AGPS: variants seen among roughly 807,000 people sequenced by gnomAD.
AGPS encodes the protein alkylglycerone phosphate synthase.
AGPS carries 26 observed loss-of-function variants against 90.7 expected under a neutral mutation model. The ratio of observed to expected loss-of-function variants is 0.29; its 90% CI spans 0.21 to 0.40. The LOEUF (loss-of-function observed/expected upper bound fraction) is 0.40, where lower values mean the gene tolerates loss of function less well. Ranked by LOEUF, AGPS falls within the 10% of genes least tolerant of loss-of-function variation. AGPS has a pLI of 1.00. For missense variants in AGPS, 540 were observed against 816.1 expected, an observed-to-expected ratio of 0.66 and a Z score of 4.12; for synonymous variants, 294 against 285.3, an observed-to-expected ratio of 1.03 and a Z score of -0.31.
chr2:177,440,009 G>A (rs1219183110), intron 5 of AGPS, among the ~76,000 whole-genome samples: 1 of 152,072 alleles, frequency 6.6e-6, no homozygotes, highest in Non-Finnish European at 1.5e-5. Context: ...GGAATTATGT[G>A]CAGTGTATTT....
At chr2:177,528,849 C>CTTTTTTTTTTTTTTTTTTTTTTTTTTT (rs71008000) in intron 19 of AGPS, among the ~76,000 whole-genome samples, 2 of 79,142 alleles carry the variant, frequency 2.5e-5, no homozygotes, top group Non-Finnish European at 4.4e-5. Context: ...CATATTAATC[C>CTTTTTTTTTTTTTTTTTTTTTTTTTTT]TTTTTTTTTT....
intron 9 of AGPS, among the ~76,000 whole-genome samples, chr2:177,465,056 G>A (rs1168453201): frequency 6.6e-6 from 1 of 152,224 alleles, no homozygotes; most frequent in Non-Finnish European, 1.5e-5. Context: ...TGTAATCCCA[G>A]CACTTTGAGA....
intron 16 of AGPS, 69 bp from the exon 17 acceptor site, chr2:177,513,750 C>T: frequency 1.7e-6 from 2 of 1,171,532 alleles, no homozygotes; most frequent in Non-Finnish European, 2.6e-6. Context: ...CCAGATTAAC[C>T]AACGTTTATT....
At chr2:177,438,307 G>A (rs1010175263) in intron 5 of AGPS, among the ~76,000 whole-genome samples, 8 of 152,046 alleles carry the variant, frequency 5.3e-5, no homozygotes, top group Admixed American at 5.2e-4. Context: ...TGTAGTCCCC[G>A]TTACTCAGAA....
chr2:177,404,023 G>A (rs1214886380), intron 1 of AGPS, among the ~76,000 whole-genome samples: 7 of 152,162 alleles, frequency 4.6e-5, no homozygotes, highest in African/African-American at 1.4e-4. Context: ...CTCATTGGGC[G>A]TGGACAGAAA....
At chr2:177,469,389 G>T (rs1224612694) in intron 10 of AGPS, among the ~76,000 whole-genome samples, 2 of 152,110 alleles carry the variant, frequency 1.3e-5, no homozygotes, top group African/African-American at 4.8e-5. Flanking sequence ...TTCTTTGACA[G>T]TAACATCAAA....
At chr2:177,443,345 A>C (rs927759055) in intron 7 of AGPS, among the ~76,000 whole-genome samples, 3 of 152,172 alleles carry the variant, frequency 2.0e-5, no homozygotes, top group African/African-American at 7.2e-5. Flanking sequence ...TTTATGTAAA[A>C]GCTTCATCTT....
intron 14 of AGPS, among the ~76,000 whole-genome samples, chr2:177,504,890 A>G (rs1315601125): frequency 6.6e-6 from 1 of 152,110 alleles, no homozygotes; most frequent in Non-Finnish European, 1.5e-5. Context: ...ATATATTTGT[A>G]TGGGATTAAT....
chr2:177,457,317 A>G (rs959607317), intron 8 of AGPS, among the ~76,000 whole-genome samples: 2 of 152,176 alleles, frequency 1.3e-5, no homozygotes, highest in Non-Finnish European at 2.9e-5. Context: ...ACACTAGCAG[A>G]AGACATGAAA....
At chr2:177,447,989 A>G (rs1389143266) in intron 8 of AGPS, among the ~76,000 whole-genome samples, 1 of 152,164 alleles carries the variant, frequency 6.6e-6, no homozygotes, top group Non-Finnish European at 1.5e-5. Flanking sequence ...AGCTGCTAAC[A>G]TGTCAATTAT....
intron 5 of AGPS, among the ~76,000 whole-genome samples, chr2:177,438,823 G>A (rs1686501651): frequency 6.6e-6 from 1 of 152,134 alleles, no homozygotes; most frequent in African/African-American, 2.4e-5. Flanking sequence ...TTCCCGACAA[G>A]TTATTAAGTC....
chr2:177,523,070 G>A (rs1428298695), intron 18 of AGPS, among the ~76,000 whole-genome samples: 1 of 152,084 alleles, frequency 6.6e-6, no homozygotes, highest in Non-Finnish European at 1.5e-5. Context: ...AGGGTAAAAC[G>A]AGGTTTTTCT....
At chr2:177,436,729 A>G (rs1234612306) in intron 3 of AGPS, 35 bp from the exon 4 acceptor site, 4 of 1,604,012 alleles carry the variant, frequency 2.5e-6, no homozygotes, top group Non-Finnish European at 2.6e-6. Flanking sequence ...TTCGTTGTCT[A>G]AAAATAAGTC....
intron 19 of AGPS, among the ~76,000 whole-genome samples, chr2:177,533,446 A>T (rs1263575913): frequency 6.6e-6 from 1 of 151,510 alleles, no homozygotes. Flanking sequence ...GGCCAGGGAC[A>T]ACATTGTGTT....
At chr2:177,501,631 A>AATAC (rs1688563161) in intron 14 of AGPS, among the ~76,000 whole-genome samples, 1 of 152,104 alleles carries the variant, frequency 6.6e-6, no homozygotes. Flanking sequence ...GGTATTTGTC[A>AATAC]ATACATTTTG....
At chr2:177,463,941 T>C (rs1687371642) in intron 9 of AGPS, among the ~76,000 whole-genome samples, 2 of 152,126 alleles carry the variant, frequency 1.3e-5, no homozygotes, top group African/African-American at 4.8e-5. Context: ...TTTATTTTAT[T>C]TTATTTTGTT....
chr2:177,434,236 A>G (rs1372299528), intron 2 of AGPS, 91 bp from the exon 3 acceptor site: 5 of 865,024 alleles, frequency 5.8e-6, no homozygotes, highest in African/African-American at 1.7e-5. Flanking sequence ...GTTTGATAGT[A>G]GCTGCTTGAC....
intron 10 of AGPS, among the ~76,000 whole-genome samples, chr2:177,476,560 CAA>C (rs139718863): frequency 0.017 from 2,553 of 152,036 alleles, 68 homozygotes; most frequent in African/African-American, 0.056. Context: ...AAAATTTGTT[CAA>C]GTTTATTTTA....
intron 1 of AGPS, among the ~76,000 whole-genome samples, chr2:177,397,228 C>T (rs1449319224): frequency 3.3e-5 from 5 of 152,066 alleles, no homozygotes; most frequent in Non-Finnish European, 4.4e-5. Context: ...TGAGCCACCA[C>T]GTCTGGCCGG....
Sources: gnomAD v4.1 joint callset for allele counts (sites outside exome capture counted in the v4.1 genomes callset) on GRCh38, gnomAD v4.1.1 for gene constraint, MANE v1.5 for transcripts, NCBI Gene and HGNC (gene_info 2026-07-23, HGNC 2026-07-21) for gene names.